Variants in CHD6 observed in about 807,000 individuals in gnomAD.
CHD6 encodes ATP-dependent chromatin remodeler CHD6.
CHD6 carries 50 observed loss-of-function variants against 276.9 expected under a neutral mutation model. The ratio of observed to expected loss-of-function variants is 0.18; its 90% CI spans 0.14 to 0.23. CHD6 has a LOEUF of 0.23. CHD6 is among the 10% of genes least tolerant of loss of function. The probability of loss-of-function intolerance (pLI) is 1.00; values close to 1 mark genes in which losing one functional copy is unlikely to be tolerated. For missense variants in CHD6, 2,564 were observed against 3,365.8 expected, an observed-to-expected ratio of 0.76 and a Z score of 5.89; for synonymous variants, 1,173 against 1,229.3, an observed-to-expected ratio of 0.95 and a Z score of 0.96.
Position 41,458,138 on chromosome 20 carries a change from A to C in CHD6, c.2665-710T>G, listed in dbSNP as rs569797389. Among the ~76,000 whole-genome samples, 17 of 152,306 alleles carry C rather than the reference A, an allele frequency of 1.1e-4. No individual in the cohort carries two copies. The East Asian group carries it at 2.7e-3, about 24-fold the overall frequency. On this transcript the variant is annotated intron_variant, in intron 17 of 36. Coordinates refer to ENST00000373233, the MANE Select transcript of CHD6 (RefSeq NM_032221.5). Reference sequence around the variant, plus strand: ...GATCAGCTTAAGATTTGAGCATCTGAATGTACACCAAGAGGCAGATGGTAT... The same window carrying C: ...GATCAGCTTAAGATTTGAGCATCTGCATGTACACCAAGAGGCAGATGGTAT...
At chr20:41,582,561 A>G (rs1319959828) in intron 1 of CHD6, among the ~76,000 whole-genome samples, 4 of 152,326 alleles carry the variant, frequency 2.6e-5, no homozygotes, top group Middle Eastern at 6.8e-3. Context: ...CTATTGTTCT[A>G]CAGTAATGTC....
intron 26 of CHD6, among the ~76,000 whole-genome samples, chr20:41,439,736 G>T (rs1013467948): frequency 6.6e-6 from 1 of 152,212 alleles, no homozygotes; most frequent in African/African-American, 2.4e-5. Flanking sequence ...AGCTGGGCAG[G>T]CTTTTAGAAA....
chr20:41,481,060 G>A (rs1326974747), intron 16 of CHD6, among the ~76,000 whole-genome samples: 1 of 151,768 alleles, frequency 6.6e-6, no homozygotes, highest in African/African-American at 2.4e-5. Flanking sequence ...CACAGTGACC[G>A]AGCCACTGTA....
At chr20:41,590,371 A>C (rs531349241) in intron 1 of CHD6, among the ~76,000 whole-genome samples, 4 of 152,356 alleles carry the variant, frequency 2.6e-5, no homozygotes, top group Admixed American at 1.3e-4. Flanking sequence ...AATGGGAAGT[A>C]ATTAAACTAA....
At position 41,420,619 on chromosome 20, in the gene CHD6, C is replaced by T; in HGVS notation, c.6016G>A (p.Gly2006Arg). Residue 2006 changes from glycine to arginine, a missense_variant, in exon 31 of 37, where the codon GGG becomes AGG. Transcript: ENST00000373233. Reference protein sequence around the residue: ...LKEPWKESAEGQNVFPTYPLE... With the variant: ...LKEPWKESAERQNVFPTYPLE... ...GGATATGTGGGGAAAACGTTTTGCC[C>T]CTCTGCACTTTCTTTCCAAGGTTCT... 1 of 1,614,176 alleles carries T rather than the reference C, an allele frequency of 6.2e-7. No homozygotes were observed. Among genetic ancestry groups the T allele is most frequent in the East Asian group, 2.2e-5 (1 of 44,892 alleles).
At position 41,415,461 on chromosome 20, in the gene CHD6, A is replaced by C. The variant is rs1435782264; in HGVS notation, c.6664T>G (p.Ser2222Ala). ...GTGGCTCCTGGGGACCCCTCTGATG[A>C]GCAGGAGAGGTCCATAGCTGACTCC... ...HGESAMDLSCSSEGSPGATSP... is the reference protein window; with the variant it reads ...HGESAMDLSCASEGSPGATSP... Residue 2222 changes from serine (S) to alanine (A), a missense_variant, in exon 34 of 37, where the codon TCA (serine) becomes GCA (alanine). Around this residue, in one of 7 missense-constraint regions of CHD6, gnomAD observed 1,024 missense variants for 1,047.9 expected, o/e 0.98. Coordinates refer to ENST00000373233, the MANE Select transcript of CHD6 (RefSeq NM_032221.5). The C allele has an allele frequency of 6.2e-7, 1 of 1,612,882 alleles. No homozygotes were observed. The highest frequency in any genetic ancestry group is 1.3e-5 in the African/African-American group (1 of 74,904).
At chr20:41,520,992 C>CA (rs2044379507) in intron 3 of CHD6, among the ~76,000 whole-genome samples, 1 of 151,922 alleles carries the variant, frequency 6.6e-6, no homozygotes, top group Non-Finnish European at 1.5e-5. Flanking sequence ...GAAGGGTAAA[C>CA]AAAAAACCCC....
chr20:41,562,107 C>CA (rs200062032), intron 1 of CHD6, among the ~76,000 whole-genome samples: 32 of 149,592 alleles, frequency 2.1e-4, no homozygotes, highest in East Asian at 5.8e-4. Flanking sequence ...TCATTTACAA[C>CA]AAAACAAAAA....
intron 3 of CHD6, among the ~76,000 whole-genome samples, chr20:41,527,668 C>T (rs1257165841): frequency 1.3e-5 from 2 of 152,210 alleles, no homozygotes; most frequent in Non-Finnish European, 2.9e-5. Context: ...ATGAAATTCA[C>T]AGGCATTTAG....
intron 3 of CHD6, among the ~76,000 whole-genome samples, chr20:41,521,552 AAT>A (rs908439754): frequency 1.6e-4 from 24 of 150,710 alleles, no homozygotes; most frequent in African/African-American, 5.1e-4. Flanking sequence ...ATACACATAT[AAT>A]ATGTGTGTAG....
intron 1 of CHD6, among the ~76,000 whole-genome samples, chr20:41,589,896 C>T (rs1039319539): frequency 3.9e-5 from 6 of 152,126 alleles, no homozygotes; most frequent in South Asian, 2.1e-4. Context: ...AAAAAGAGTC[C>T]GCATTGCCAA....
intron 3 of CHD6, among the ~76,000 whole-genome samples, chr20:41,521,181 T>C (rs1007005915): frequency 2.0e-5 from 3 of 152,198 alleles, no homozygotes; most frequent in African/African-American, 7.2e-5. Context: ...ACTGAATCCA[T>C]GTATGTTTAA....
chr20:41,502,678 T>G (rs1255714367), intron 5 of CHD6, among the ~76,000 whole-genome samples: 1 of 152,244 alleles, frequency 6.6e-6, no homozygotes, highest in East Asian at 1.9e-4. Flanking sequence ...AGTTTTTGAC[T>G]GGGTTTGAAT....
chr20:41,463,215 A>C (rs918632377), intron 17 of CHD6, among the ~76,000 whole-genome samples: 2 of 152,204 alleles, frequency 1.3e-5, no homozygotes, highest in Admixed American at 1.3e-4. Flanking sequence ...AAATGGGAGA[A>C]AAAGGGAACA....
At chr20:41,519,354 T>A (rs1167314341) in intron 3 of CHD6, among the ~76,000 whole-genome samples, 1 of 152,180 alleles carries the variant, frequency 6.6e-6, no homozygotes, top group Non-Finnish European at 1.5e-5. Flanking sequence ...ATGCAAATAA[T>A]CTTTGACTCA....
intron 1 of CHD6, among the ~76,000 whole-genome samples, chr20:41,592,807 T>C (rs1215133549): frequency 1.3e-5 from 2 of 152,162 alleles, no homozygotes; most frequent in Admixed American, 6.5e-5. Context: ...CTGTTTTACA[T>C]TAGGCTGGGT....
Position 41,421,172 on chromosome 20 carries a change from A to C in CHD6, c.5463T>G (p.Ser1821Arg). 6.2e-7 allele frequency: 1 copy of C among 1,613,108 alleles called. No individual in the cohort carries two copies. Among genetic ancestry groups the C allele is most frequent in the Non-Finnish European group, 8.5e-7 (1 of 1,179,598 alleles). The stretch of plus-strand genomic sequence containing the variant: ...TAAGACTGCACATATCTACAAACCC[A>C]CTTTCATTTCCTGGATTCAAGGAAG... ...ASPSLNPGNESGFVDMCSLSV... is the reference protein window; with the variant it reads ...ASPSLNPGNERGFVDMCSLSV... The change falls in exon 31 of 37, where the codon AGT becomes AGG. Residue 1821 changes from serine (S) to arginine (R), a missense_variant. Transcript: ENST00000373233.
At chr20:41,595,697 C>T (rs6072440) in intron 1 of CHD6, among the ~76,000 whole-genome samples, 57,287 of 151,866 alleles carry the variant, frequency 0.38, 13,403 homozygotes, top group African/African-American at 0.64. Context: ...TGTTAAAATA[C>T]TGTAAGGGTA....
chr20:41,428,606 G>A (rs998671432), intron 27 of CHD6, among the ~76,000 whole-genome samples: 9 of 152,262 alleles, frequency 5.9e-5, no homozygotes, highest in South Asian at 4.1e-4. Flanking sequence ...CTCTGGTCTC[G>A]GGCAAGTTGT....
Sources: gnomAD v4.1 joint callset for allele counts (sites outside exome capture counted in the v4.1 genomes callset) on GRCh38, gnomAD v4.1.1 for gene constraint, gnomAD v4.1.1 regional missense constraint, MANE v1.5 for transcripts, NCBI Gene and HGNC (gene_info 2026-07-23, HGNC 2026-07-21) for gene names.